The following HERC6 variants were observed in gnomAD, a reference collection of about 807,000 sequenced individuals.
HERC6 encodes the protein HECT and RLD domain containing E3 ubiquitin protein ligase family member 6, also known as probable E3 ubiquitin-protein ligase HERC6.
Under a neutral mutation model 114.5 loss-of-function variants are expected in HERC6, and 101 were observed. The ratio of observed to expected loss-of-function variants is 0.88; its 90% confidence interval spans 0.75 to 1.04. The LOEUF is 1.04. Among genes scored for constraint, HERC6 ranks in the 50% least tolerant of loss-of-function variants. The pLI, the probability that HERC6 is intolerant of heterozygous loss-of-function variation, is 0.00. For synonymous variants in HERC6, 408 were observed against 436.2 expected (o/e 0.94, Z 0.81); for missense variants, 1,133 against 1,230.9 (o/e 0.92, Z 1.19).
chr4:88,388,872 C>G (rs1163356111), intron 3 of HERC6, among the ~76,000 whole-genome samples: 1 of 152,162 alleles, frequency 6.6e-6, no homozygotes, highest in Non-Finnish European at 1.5e-5. Flanking sequence ...GTGCAAATCT[C>G]CCACACAAAA....
intron 20 of HERC6, 32 bp from the exon 21 acceptor site, chr4:88,439,842 C>CTTTTTT (rs537714979): frequency 1.4e-4 from 137 of 999,932 alleles, no homozygotes; most frequent in South Asian, 3.9e-4. Context: ...TCCTTCCTTT[C>CTTTTTT]TTTTTTTTTT....
chr4:88,397,979 G>A (rs1428341753), intron 7 of HERC6, 163 bp from the exon 8 acceptor site: 2 of 541,448 alleles, frequency 3.7e-6, no homozygotes, highest in African/African-American at 2.0e-5. Context: ...CAATATGATG[G>A]GAGGGAAAAA....
chr4:88,428,305 C>T (rs545725374), intron 15 of HERC6, among the ~76,000 whole-genome samples: 4 of 152,296 alleles, frequency 2.6e-5, no homozygotes, highest in Non-Finnish European at 4.4e-5. Flanking sequence ...AATAAATAAT[C>T]TGAGATAGCT....
chr4:88,419,540 G>C (rs1300654947), intron 13 of HERC6, among the ~76,000 whole-genome samples: 5 of 151,762 alleles, frequency 3.3e-5, no homozygotes, highest in African/African-American at 1.2e-4. Flanking sequence ...ACCTAGGGCA[G>C]CACTTCTTAA....
At chr4:88,417,991 T>G (rs1239083233) in intron 13 of HERC6, among the ~76,000 whole-genome samples, 2 of 150,916 alleles carry the variant, frequency 1.3e-5, no homozygotes, top group African/African-American at 4.9e-5. Flanking sequence ...CTGCTACATG[T>G]AACAACATAC....
At chr4:88,393,256 G>A (rs1453031441) in intron 4 of HERC6, among the ~76,000 whole-genome samples, 1 of 150,898 alleles carries the variant, frequency 6.6e-6, no homozygotes, top group African/African-American at 2.4e-5. Context: ...TTAAAATTAT[G>A]TTAATGAATT....
At chr4:88,423,777 C>T in intron 13 of HERC6, 83 bp from the exon 14 acceptor site, 1 of 544,666 alleles carries the variant, frequency 1.8e-6, no homozygotes, top group Non-Finnish European at 3.1e-6. Flanking sequence ...ATCTGTATAA[C>T]AGCCATACAT....
chr4:88,408,476 T>C, intron 10 of HERC6, 48 bp from the exon 11 acceptor site: 1 of 1,147,688 alleles, frequency 8.7e-7, no homozygotes, highest in Non-Finnish European at 1.3e-6. Context: ...TTTAGAAATA[T>C]CCCTTTCCTT....
chr4:88,404,517 A>G (rs1226831936), intron 8 of HERC6, among the ~76,000 whole-genome samples: 2 of 151,960 alleles, frequency 1.3e-5, no homozygotes, highest in African/African-American at 4.8e-5. Flanking sequence ...GCTGAATAAT[A>G]TTTCATTTTA....
intron 4 of HERC6, 64 bp from the exon 5 acceptor site, chr4:88,393,424 T>C: frequency 3.6e-6 from 3 of 827,472 alleles, no homozygotes; most frequent in Non-Finnish European, 3.7e-6. Flanking sequence ...GATATTAAAA[T>C]GTAAATAGTC....
intron 22 of HERC6, among the ~76,000 whole-genome samples, chr4:88,440,829 T>C (rs1233687665): frequency 6.6e-6 from 1 of 152,236 alleles, no homozygotes; most frequent in East Asian, 1.9e-4. Flanking sequence ...TATTCCAGGC[T>C]GCTCTTTGTT....
chr4:88,408,435 T>C (rs1735914473), intron 10 of HERC6, 89 bp from the exon 11 acceptor site: 8 of 787,734 alleles, frequency 1.0e-5, no homozygotes, highest in South Asian at 6.2e-5. Flanking sequence ...TTGTATCTTA[T>C]ATGTAATAAA....
intron 13 of HERC6, among the ~76,000 whole-genome samples, chr4:88,422,178 A>G (rs945952933): frequency 7.2e-5 from 11 of 152,218 alleles, no homozygotes; most frequent in African/African-American, 2.7e-4. Flanking sequence ...AGTAATTTTT[A>G]TACATTAAGC....
Position 88,417,469 on chromosome 4 carries a change from AT to A in HERC6, c.1604del (p.Ile535ThrfsTer29). The A allele has an allele frequency of 6.2e-7, 1 of 1,611,434 alleles. No individual in the cohort carries two copies. Among genetic ancestry groups the A allele is most frequent in the Non-Finnish European group, 8.5e-7 (1 of 1,178,752 alleles). On this transcript the variant is annotated frameshift_variant, in exon 13 of 23. Coordinates refer to ENST00000264346, the MANE Select transcript of HERC6 (RefSeq NM_017912.4). LOFTEE classifies it high-confidence loss of function. ...GCAAGAATCTTCTCTGAATCCGCTG[AT>A]CCAGATGCTTAAAGCAGCCATCATC... ...FLQESSLNPL[I>X]QMLKAAIISQ...
chr4:88,421,482 C>G (rs1034448433), intron 13 of HERC6, among the ~76,000 whole-genome samples: 3 of 144,686 alleles, frequency 2.1e-5, no homozygotes, highest in African/African-American at 7.6e-5. Context: ...GATTCTTGCT[C>G]TGTTGCCCAG....
intron 3 of HERC6, among the ~76,000 whole-genome samples, chr4:88,389,223 G>C (rs373101384): frequency 6.6e-5 from 10 of 152,196 alleles, no homozygotes; most frequent in African/African-American, 2.4e-4. Context: ...TGAGCAGGGG[G>C]AGATGAAGTC....
At chr4:88,390,334 C>G (rs1734839295) in intron 3 of HERC6, among the ~76,000 whole-genome samples, 1 of 151,950 alleles carries the variant, frequency 6.6e-6, no homozygotes, top group Non-Finnish European at 1.5e-5. Context: ...AATGTACAGC[C>G]ATGTGACTAT....
rs563495606 is a variant in HERC6, at chr4:88,403,926, T to G, written c.1093-950T>G. On this transcript the variant is annotated intron_variant, in intron 8 of 22. Transcript: ENST00000264346. Reference sequence around the variant, plus strand: ...GTGACATTAATTACTTTCACAATATTGTTCAACTGTCACCATTATCCATCT... The same window carrying G: ...GTGACATTAATTACTTTCACAATATGGTTCAACTGTCACCATTATCCATCT... Among the ~76,000 whole-genome samples, 23 of 152,256 alleles carry G rather than the reference T, an allele frequency of 1.5e-4. No individual in the cohort carries two copies. The South Asian group carries it at 4.8e-3, about 32-fold the overall frequency.
chr4:88,412,147 A>G (rs918086865), intron 11 of HERC6, among the ~76,000 whole-genome samples: 6 of 152,212 alleles, frequency 3.9e-5, no homozygotes, highest in Non-Finnish European at 8.8e-5. Flanking sequence ...TAAAACACAA[A>G]TAAAGCAAAA....
Sources: gnomAD v4.1 joint callset for allele counts (sites outside exome capture counted in the v4.1 genomes callset) on GRCh38, gnomAD v4.1.1 for gene constraint, MANE v1.5 for transcripts, NCBI Gene and HGNC (gene_info 2026-07-23, HGNC 2026-07-21) for gene names.